NFIX: variants seen among roughly 807,000 people sequenced by gnomAD.
NFIX encodes the protein nuclear factor 1 X-type.
A neutral mutation model predicts 53.3 loss-of-function variants in NFIX; 2 were observed. The ratio of observed to expected loss-of-function variants is 0.04; its 90% CI spans 0.02 to 0.12. The LOEUF is 0.12. Ranked by LOEUF, NFIX falls within the 10% of genes least tolerant of loss-of-function variation. NFIX has a pLI of 1.00. For missense variants in NFIX, 310 were observed against 674.5 expected, an observed-to-expected ratio of 0.46 and a Z score of 5.99; for synonymous variants, 244 against 289.0, an observed-to-expected ratio of 0.84 and a Z score of 1.58.
Position 13,006,628 on chromosome 19 carries a change from C to T in NFIX, c.27+10764C>T, listed in dbSNP as rs2012028998. 6.6e-6 allele frequency among the ~76,000 whole-genome samples: 1 copy of T among 152,184 alleles called. No individual in the cohort carries two copies. Among genetic ancestry groups the T allele is most frequent in the Non-Finnish European group, 1.5e-5 (1 of 68,022 alleles). On this transcript the variant is annotated intron_variant, in intron 1 of 10. Coordinates refer to ENST00000592199, the MANE Select transcript of NFIX (RefSeq NM_001365902.3). The surrounding 1 kb of genome is among the most constrained non-coding windows in gnomAD (Gnocchi z 5.6). ...GGGGCGGGCTGGGTTTATTTTTACC[C>T]CAGCCTGTCACCCTGGCAGTACCAG... is the stretch of plus-strand genomic sequence containing the variant.
At position 13,066,096 on chromosome 19, in the gene NFIX, T is replaced by C. The variant is rs2016385044; in HGVS notation, c.560-6951T>C. ...CCGTGTGGGGCCTGAGGCTTTCAGATGAAGTGTGAGACTGCTCTGCTGGTC... is the reference window on the plus strand; with the variant it reads ...CCGTGTGGGGCCTGAGGCTTTCAGACGAAGTGTGAGACTGCTCTGCTGGTC... On this transcript the variant is annotated intron_variant, in intron 2 of 10. Coordinates refer to ENST00000592199, the MANE Select transcript of NFIX (RefSeq NM_001365902.3). This position sits in a 1 kb window ranked among gnomAD's most constrained non-coding sequence, Gnocchi z 4.2. Among the ~76,000 whole-genome samples the C allele has an allele frequency of 6.6e-6, 1 of 152,068 alleles. No individual in the cohort carries two copies. Among genetic ancestry groups the C allele is most frequent in the Admixed American group, 6.5e-5 (1 of 15,276 alleles).
chr19:13,002,854 C>T lies in NFIX; in HGVS notation c.27+6990C>T, dbSNP rs1280210515. ...GGCAGGGGGCAGTGCCCACCACCAT[C>T]GCCAAGGACCCTGCCCCCTCAGCTG... On this transcript the variant is annotated intron_variant, in intron 1 of 10. Transcript: ENST00000592199. This position sits in a 1 kb window ranked among gnomAD's most constrained non-coding sequence, Gnocchi z 6.1. Among the ~76,000 whole-genome samples, 3 of 152,166 alleles carry T rather than the reference C, an allele frequency of 2.0e-5. No individual in the cohort carries two copies. Among genetic ancestry groups the T allele is most frequent in the Admixed American group, 6.5e-5 (1 of 15,284 alleles).
chr19:13,054,877 G>C (rs563253097), intron 2 of NFIX, among the ~76,000 whole-genome samples: 10 of 152,300 alleles, frequency 6.6e-5, no homozygotes, highest in South Asian at 2.1e-4. Context: ...GTCACACACA[G>C]AGACACACAC....
rs1007961216 is a variant in NFIX, at chr19:13,036,970, G to A, written c.559+11418G>A. ...GACCAAGTGAAGAAAGGCCTTTAAA[G>A]GGAGGAGGCAAATGGATAGGAAGCT... On this transcript the variant is annotated intron_variant, in intron 2 of 10. Coordinates refer to ENST00000592199, the MANE Select transcript of NFIX (RefSeq NM_001365902.3). The surrounding 1 kb of genome is among the most constrained non-coding windows in gnomAD (Gnocchi z 4.7). 6.6e-6 allele frequency among the ~76,000 whole-genome samples: 1 copy of A among 152,182 alleles called. No homozygotes were observed. Among genetic ancestry groups the A allele is most frequent in the African/African-American group, 2.4e-5 (1 of 41,438 alleles).
chr19:13,087,116 C>T (rs1568330561), intron 8 of NFIX, among the ~76,000 whole-genome samples: 1 of 152,188 alleles, frequency 6.6e-6, no homozygotes, highest in Non-Finnish European at 1.5e-5. Context: ...GGAGGTCTCT[C>T]CAAGGAACCT....
chr19:13,020,322 G>GC (rs922816370), intron 1 of NFIX, among the ~76,000 whole-genome samples: 5 of 152,206 alleles, frequency 3.3e-5, no homozygotes, highest in Non-Finnish European at 7.4e-5. Context: ...GGAGGAGGGG[G>GC]CCCGCAGTGA....
At chr19:13,023,388 C>T (rs897017905) in intron 1 of NFIX, among the ~76,000 whole-genome samples, 1 of 151,720 alleles carries the variant, frequency 6.6e-6, no homozygotes, top group Non-Finnish European at 1.5e-5. Context: ...GGTCTGCAGC[C>T]GGTCAGAACT....
intron 6 of NFIX, among the ~76,000 whole-genome samples, chr19:13,076,456 G>A (rs773136417): frequency 2.6e-5 from 4 of 151,960 alleles, no homozygotes; most frequent in Non-Finnish European, 5.9e-5. Flanking sequence ...TAACACGTGC[G>A]TGTGTGTGTG....
At chr19:13,024,489 C>T in intron 1 of NFIX, 1 of 1,488,244 alleles carries the variant, frequency 6.7e-7, no homozygotes, top group South Asian at 1.3e-5. Flanking sequence ...ATGTCATTTT[C>T]TGTCTTCTTG....
In NFIX at chr19:13,072,473, C is replaced by A. The variant is rs931214683; in HGVS notation, c.560-574C>A. 6.6e-6 allele frequency among the ~76,000 whole-genome samples: 1 copy of A among 152,174 alleles called. No individual in the cohort carries two copies. Among genetic ancestry groups the A allele is most frequent in the Non-Finnish European group, 1.5e-5 (1 of 68,038 alleles). ...GAGCATAAAGGTGAGGTGGGGGAGG[C>A]GCAGGCAGACAGGAATGGCTTCAAT... On this transcript the variant is annotated intron_variant, in intron 2 of 10. Coordinates refer to ENST00000592199, the MANE Select transcript of NFIX (RefSeq NM_001365902.3). This position sits in a 1 kb window ranked among gnomAD's most constrained non-coding sequence, Gnocchi z 4.0.
intron 1 of NFIX, among the ~76,000 whole-genome samples, chr19:12,999,962 A>T (rs554290998): frequency 2.4e-4 from 36 of 152,284 alleles, no homozygotes; most frequent in Admixed American, 4.6e-4. Context: ...GGGGTAGCTC[A>T]TGAGATGAGC....
Position 13,094,761 on chromosome 19 carries a change from CA to C in NFIX, c.*117del. Reference sequence around the variant, plus strand: ...AGCCCAGCCCAGCCCCACCGAAAAGCAAAAATTACACGTCGTCAGCCACTCA... The same window carrying C: ...AGCCCAGCCCAGCCCCACCGAAAAGCAAAATTACACGTCGTCAGCCACTCA... On this transcript the variant is annotated 3_prime_UTR_variant, in exon 11 of 11. Coordinates refer to ENST00000592199, the MANE Select transcript of NFIX (RefSeq NM_001365902.3). This position sits in a 1 kb window ranked among gnomAD's most constrained non-coding sequence, Gnocchi z 4.3. 8.5e-7 allele frequency: 1 copy of C among 1,172,462 alleles called. No homozygotes were observed. The highest frequency in any genetic ancestry group is 1.2e-6 in the Non-Finnish European group (1 of 826,906). The allele number at this position is 1,172,462 out of a possible 1,614,324, so 72.6% of individuals were successfully genotyped here.
chr19:13,017,566 T>C (rs897099007), intron 1 of NFIX, among the ~76,000 whole-genome samples: 1 of 150,198 alleles, frequency 6.7e-6, no homozygotes, highest in Non-Finnish European at 1.5e-5. Flanking sequence ...TGAAGGGGGG[T>C]GTCTGGACTG....
rs557549406 is a variant in NFIX at position 13,049,204 on chromosome 19, G to C, written c.559+23652G>C. Reference sequence around the variant, plus strand: ...AGAATTTAAGGTTGCAGCAAGCGATGATCACACTACTGCACTCCAGCCTGG... The same window carrying C: ...AGAATTTAAGGTTGCAGCAAGCGATCATCACACTACTGCACTCCAGCCTGG... On this transcript the variant is annotated intron_variant, in intron 2 of 10. Coordinates refer to ENST00000592199, the MANE Select transcript of NFIX (RefSeq NM_001365902.3). This position sits in a 1 kb window ranked among gnomAD's most constrained non-coding sequence, Gnocchi z 4.5. Among the ~76,000 whole-genome samples, 1 of 152,128 alleles carries C rather than the reference G, an allele frequency of 6.6e-6. No homozygotes were observed. Among genetic ancestry groups the C allele is most frequent in the African/African-American group, 2.4e-5 (1 of 41,498 alleles).
At chr19:13,032,968 A>AC (rs1324625114) in intron 2 of NFIX, among the ~76,000 whole-genome samples, 1 of 152,082 alleles carries the variant, frequency 6.6e-6, no homozygotes, top group Non-Finnish European at 1.5e-5. Context: ...AGTGCCACAG[A>AC]CCGAGACTCA....
rs2011697834 is a variant in NFIX, at chr19:13,001,571, T to C, written c.27+5707T>C. Among the ~76,000 whole-genome samples the C allele has an allele frequency of 6.6e-6, 1 of 152,178 alleles. No homozygotes were observed. The highest frequency in any genetic ancestry group is 1.5e-5 in the Non-Finnish European group (1 of 68,020). Reference sequence around the variant, plus strand: ...TGCGTCACATCTACAGCAGTGTTTTTCTGGGTGTCTGTGCGTCACGGCAAA... The same window carrying C: ...TGCGTCACATCTACAGCAGTGTTTTCCTGGGTGTCTGTGCGTCACGGCAAA... On this transcript the variant is annotated intron_variant, in intron 1 of 10. Coordinates refer to ENST00000592199, the MANE Select transcript of NFIX (RefSeq NM_001365902.3). This position sits in a 1 kb window ranked among gnomAD's most constrained non-coding sequence, Gnocchi z 6.5.
intron 1 of NFIX, among the ~76,000 whole-genome samples, chr19:13,016,575 C>T (rs951334697): frequency 7.0e-6 from 1 of 143,172 alleles, no homozygotes; most frequent in Non-Finnish European, 1.5e-5. Flanking sequence ...ATTTTTTGTA[C>T]GCTTGCCATT....
In NFIX at chr19:13,066,054, C is replaced by T. The variant is rs1482578477; in HGVS notation, c.560-6993C>T. Among the ~76,000 whole-genome samples, 1 of 152,136 alleles carries T rather than the reference C, an allele frequency of 6.6e-6. No individual in the cohort carries two copies. ...GCAACCAAGGACTGTAGGAGACAGG[C>T]CTTCTTCACCTCGACACCGTGTGGG... is the stretch of plus-strand genomic sequence containing the variant. On this transcript the variant is annotated intron_variant, in intron 2 of 10. Transcript: ENST00000592199. The surrounding 1 kb of genome is among the most constrained non-coding windows in gnomAD (Gnocchi z 4.2).
Position 13,009,168 on chromosome 19 carries a change from C to T in NFIX, c.27+13304C>T, listed in dbSNP as rs556068219. Among the ~76,000 whole-genome samples the T allele has an allele frequency of 3.3e-5, 5 of 152,308 alleles. No homozygotes were observed. Among genetic ancestry groups the T allele is most frequent in the South Asian group, 4.1e-4 (2 of 4,830 alleles). On this transcript the variant is annotated intron_variant, in intron 1 of 10. Transcript: ENST00000592199. The surrounding 1 kb of genome is among the most constrained non-coding windows in gnomAD (Gnocchi z 4.7). ...AGTCTCACACACAACCTGTCACACA[C>T]GCACACACACACACAGCGGCACAGT... is the stretch of plus-strand genomic sequence containing the variant.
Sources: gnomAD v4.1 joint callset for allele counts (sites outside exome capture counted in the v4.1 genomes callset) on GRCh38, gnomAD v4.1.1 for gene constraint, Gnocchi (gnomAD v3.1) non-coding constraint, MANE v1.5 for transcripts, NCBI Gene and HGNC (gene_info 2026-07-23, HGNC 2026-07-21) for gene names.